The following GNAL variants were observed in gnomAD, a reference collection of about 807,000 sequenced individuals.
The protein encoded by GNAL is guanine nucleotide-binding protein G(olf) subunit alpha.
A neutral mutation model predicts 55.1 loss-of-function variants in GNAL; 18 were observed. The observed-to-expected ratio is 0.33, with a 90% confidence interval of 0.23 to 0.48. GNAL has a LOEUF of 0.48. GNAL is among the 20% of genes least tolerant of loss of function. The pLI, the probability that GNAL is intolerant of heterozygous loss-of-function variation, is 0.99. For synonymous variants in GNAL, 253 were observed against 237.0 expected (o/e 1.07, Z -0.62); for missense variants, 412 against 614.1 (o/e 0.67, Z 3.48).
intron 1 of GNAL, among the ~76,000 whole-genome samples, chr18:11,693,598 C>T (rs932845378): frequency 1.3e-5 from 2 of 152,202 alleles, no homozygotes; most frequent in Non-Finnish European, 2.9e-5. Context: ...CAGATAATTA[C>T]TTATGCTGCC....
intron 4 of GNAL, among the ~76,000 whole-genome samples, chr18:11,766,122 C>T (rs1024915724): frequency 1.3e-5 from 2 of 152,122 alleles, no homozygotes; most frequent in African/African-American, 2.4e-5. Context: ...TGAGTCAACA[C>T]GTGTGGTTTG....
chr18:11,766,158 A>G (rs1568016957), intron 4 of GNAL, among the ~76,000 whole-genome samples: 3 of 152,240 alleles, frequency 2.0e-5, no homozygotes, highest in Admixed American at 6.5e-5. Context: ...AGGTTTTAAG[A>G]GGCAGAATAA....
In GNAL at chr18:11,882,531, C is replaced by CA. The variant is rs1464081491; in HGVS notation, c.*1401dup. 6.6e-6 allele frequency: 1 copy of CA among 152,094 alleles called. No homozygotes were observed. Among genetic ancestry groups the CA allele is most frequent in the Non-Finnish European group, 1.5e-5 (1 of 68,076 alleles). The allele number at this position is 152,094 out of a possible 1,614,324, so 9.4% of individuals were successfully genotyped here. On this transcript the variant is annotated 3_prime_UTR_variant, in exon 12 of 12. Coordinates refer to ENST00000334049, the MANE Select transcript of GNAL (RefSeq NM_182978.4). ...CGAAACCCTGTCTCTACCAAAAATA[C>CA]AAAAATTAGCCAGGCGTGGTGGCGG...
intron 4 of GNAL, among the ~76,000 whole-genome samples, chr18:11,800,515 G>C (rs1690083096): frequency 6.6e-6 from 1 of 152,212 alleles, no homozygotes; most frequent in Admixed American, 6.5e-5. Context: ...TGTTGTGTGG[G>C]AGCAGCATTT....
chr18:11,788,914 A>AATATATATATATATATATATAT (rs766675246), intron 4 of GNAL, among the ~76,000 whole-genome samples: 2 of 56,292 alleles, frequency 3.6e-5, no homozygotes, highest in Admixed American at 2.0e-4. Context: ...AAAAAAAAAA[A>AATATATATATATATATATATAT]ATATATATAT....
rs2036784295 is a variant in GNAL at position 11,883,652 on chromosome 18, T to C, written c.*2517T>C. On this transcript the variant is annotated 3_prime_UTR_variant, in exon 12 of 12. Transcript: ENST00000334049. ...TCCATTAATTGATCAAGTATAAAAA[T>C]CTACGAAAACAATATGTTCTGCACA... is the stretch of plus-strand genomic sequence containing the variant. 2 of 153,270 alleles carry C rather than the reference T, an allele frequency of 1.3e-5. No homozygotes were observed. Among genetic ancestry groups the C allele is most frequent in the African/African-American group, 4.8e-5 (2 of 41,438 alleles). The allele number at this position is 153,270 out of a possible 1,614,324, so 9.5% of individuals were successfully genotyped here.
intron 4 of GNAL, among the ~76,000 whole-genome samples, chr18:11,804,114 G>A (rs1396320303): frequency 2.0e-5 from 3 of 150,682 alleles, no homozygotes; most frequent in African/African-American, 2.4e-5. Flanking sequence ...AGTGGAACAC[G>A]GAGATACTGT....
intron 1 of GNAL, among the ~76,000 whole-genome samples, chr18:11,715,456 A>C (rs1319263336): frequency 7.3e-6 from 1 of 137,846 alleles, no homozygotes; most frequent in Non-Finnish European, 1.5e-5. Context: ...GCAAGACTCC[A>C]TCTCAAAAAA....
At chr18:11,857,634 C>A (rs1005257760) in intron 5 of GNAL, 2 of 985,402 alleles carry the variant, frequency 2.0e-6, no homozygotes. Context: ...CACCATGAAT[C>A]ACTGATCACC....
chr18:11,692,854 C>A (rs1421450249), intron 1 of GNAL, among the ~76,000 whole-genome samples: 1 of 152,052 alleles, frequency 6.6e-6, no homozygotes, highest in African/African-American at 2.4e-5. Flanking sequence ...ACTACGCTGG[C>A]CAGGCTGATC....
At chr18:11,807,517 G>A (rs753740902) in intron 4 of GNAL, among the ~76,000 whole-genome samples, 8 of 152,224 alleles carry the variant, frequency 5.3e-5, no homozygotes, top group African/African-American at 1.7e-4. Context: ...GGCCTAAGCC[G>A]GGCCGTGGGG....
At chr18:11,699,504 C>T (rs189215083) in intron 1 of GNAL, among the ~76,000 whole-genome samples, 5 of 151,894 alleles carry the variant, frequency 3.3e-5, no homozygotes, top group Admixed American at 2.0e-4. Flanking sequence ...CGTGAGCCAC[C>T]GTGCCCAGCT....
At chr18:11,813,488 G>A (rs1362997362) in intron 4 of GNAL, among the ~76,000 whole-genome samples, 1 of 152,108 alleles carries the variant, frequency 6.6e-6, no homozygotes, top group African/African-American at 2.4e-5. Flanking sequence ...GACTAAAGTC[G>A]TGATTCTTCG....
chr18:11,884,667 C>T lies in GNAL; in HGVS notation c.*3532C>T. ...GGAAAGTTATGCTGAGAGCACCAGGCACACGTTGAACACCGCAGTCTTAGA... is the reference window on the plus strand; with the variant it reads ...GGAAAGTTATGCTGAGAGCACCAGGTACACGTTGAACACCGCAGTCTTAGA... On this transcript the variant is annotated 3_prime_UTR_variant, in exon 12 of 12. Coordinates refer to ENST00000334049, the MANE Select transcript of GNAL (RefSeq NM_182978.4). 6.3e-7 allele frequency: 1 copy of T among 1,589,598 alleles called. No individual in the cohort carries two copies. The highest frequency in any genetic ancestry group is 8.6e-7 in the Non-Finnish European group (1 of 1,159,768).
intron 4 of GNAL, among the ~76,000 whole-genome samples, chr18:11,771,623 G>A (rs1337048027): frequency 2.6e-5 from 4 of 152,142 alleles, no homozygotes; most frequent in Non-Finnish European, 5.9e-5. Flanking sequence ...GTGAGGGGTG[G>A]CCTGGCCTTT....
intron 1 of GNAL, among the ~76,000 whole-genome samples, chr18:11,698,608 C>T (rs1211295289): frequency 6.6e-5 from 10 of 151,828 alleles, no homozygotes; most frequent in African/African-American, 1.5e-4. Flanking sequence ...GAAGCAGTGA[C>T]GGTGGCTGCT....
chr18:11,794,921 C>T (rs1156434444), intron 4 of GNAL, among the ~76,000 whole-genome samples: 1 of 152,308 alleles, frequency 6.6e-6, no homozygotes, highest in Admixed American at 6.5e-5. Context: ...TAGCTCACTG[C>T]AACCTCTGCC....
intron 4 of GNAL, among the ~76,000 whole-genome samples, chr18:11,797,045 C>T (rs575563298): frequency 4.6e-5 from 7 of 152,256 alleles, no homozygotes; most frequent in East Asian, 1.9e-4. Flanking sequence ...GCCTCTGCCA[C>T]GCGGGCTCAA....
intron 4 of GNAL, among the ~76,000 whole-genome samples, chr18:11,768,175 T>G (rs1296251865): frequency 6.6e-6 from 1 of 152,202 alleles, no homozygotes; most frequent in South Asian, 2.1e-4. Context: ...ATAGTTATGC[T>G]CAGTAAATGT....
Sources: gnomAD v4.1 joint callset for allele counts (sites outside exome capture counted in the v4.1 genomes callset) on GRCh38, gnomAD v4.1.1 for gene constraint, MANE v1.5 for transcripts, NCBI Gene and HGNC (gene_info 2026-07-23, HGNC 2026-07-21) for gene names.